The following NCSTN variants were observed in gnomAD, a reference collection of about 807,000 sequenced individuals.
NCSTN encodes nicastrin.
Under a neutral mutation model 87.0 loss-of-function variants are expected in NCSTN, and 22 were observed. That is an observed-to-expected ratio of 0.25 (90% CI 0.18 to 0.36). The LOEUF (loss-of-function observed/expected upper bound fraction) is 0.36, where lower values mean the gene tolerates loss of function less well. Among genes scored for constraint, NCSTN ranks in the 10% least tolerant of loss-of-function variants. The pLI is 1.00. For missense variants in NCSTN, 693 were observed against 883.3 expected (o/e 0.78, Z 2.73); for synonymous variants, 306 against 327.1 (o/e 0.94, Z 0.69).
intron 4 of NCSTN, 88 bp downstream of exon 4, chr1:160,349,758 T>G (rs750344439): frequency 1.9e-6 from 3 of 1,538,528 alleles, no homozygotes; most frequent in Non-Finnish European, 2.7e-6. Context: ...GATGTATATG[T>G]GTTTGTGTCT....
chr1:160,358,585 A>G lies in NCSTN; in HGVS notation c.*314A>G. 2.5e-6 allele frequency: 1 copy of G among 404,178 alleles called. No homozygotes were observed. The highest frequency in any genetic ancestry group is 5.8e-5 in the East Asian group (1 of 17,160). The allele number at this position is 404,178 out of a possible 1,614,324, so 25.0% of individuals were successfully genotyped here. ...TACCCACCCTAATTTGCCCTTCAGG[A>G]CCCTTCTACTTTTTCCTTCCTGCCC... On this transcript the variant is annotated 3_prime_UTR_variant, in exon 17 of 17. Transcript: ENST00000294785.
At chr1:160,344,445 C>T in intron 1 of NCSTN, 3 of 1,482,588 alleles carry the variant, frequency 2.0e-6, no homozygotes, top group Non-Finnish European at 2.7e-6. Flanking sequence ...GGTCAAACAC[C>T]TTTCCTTTGA....
chr1:160,350,383 C>G, intron 5 of NCSTN, 133 bp downstream of exon 5: 1 of 977,332 alleles, frequency 1.0e-6, no homozygotes. Context: ...GGCCGGGAGG[C>G]AGAGGTTTCA....
At chr1:160,345,162 G>C in intron 2 of NCSTN, 1 of 383,972 alleles carries the variant, frequency 2.6e-6, no homozygotes, top group South Asian at 2.3e-5. Flanking sequence ...AAGTGATGAT[G>C]CCAGGATCTG....
chr1:160,347,130 C>T lies in NCSTN; in HGVS notation c.191-1869C>T, dbSNP rs376914619. Among the ~76,000 whole-genome samples the T allele has an allele frequency of 2.0e-4, 30 of 152,350 alleles. No homozygotes were observed. In the South Asian group the frequency reaches 6.2e-3, roughly 32 times the overall value. On this transcript the variant is annotated intron_variant, in intron 2 of 16. Transcript: ENST00000294785. Reference sequence around the variant, plus strand: ...AGCAAAGCCTCTAGAGGTAAAGCCACGTGCCAGTACAGAGAAACAAGAGGG... The same window carrying T: ...AGCAAAGCCTCTAGAGGTAAAGCCATGTGCCAGTACAGAGAAACAAGAGGG...
intron 16 of NCSTN, 146 bp from the exon 17 acceptor site, chr1:160,358,003 A>C: frequency 1.3e-5 from 13 of 991,048 alleles, no homozygotes; most frequent in Non-Finnish European, 1.9e-5. Flanking sequence ...TGTAGGCTGG[A>C]GAGATGTTGC....
At position 160,343,682 on chromosome 1, in the gene NCSTN, G is replaced by A. The variant is rs1330813763; in HGVS notation, c.85+201G>A. The A allele has an allele frequency of 4.2e-6, 3 of 717,478 alleles. No individual in the cohort carries two copies. The South Asian group carries it at 4.5e-5, about 11-fold the overall frequency. The allele number at this position is 717,478 out of a possible 1,614,324, so 44.4% of individuals were successfully genotyped here. A position where few individuals can be genotyped will look rare whatever the true frequency, so the allele number is the denominator to read the frequency against. On this transcript the variant is annotated intron_variant, in intron 1 of 16. Transcript: ENST00000294785. ...TCCCTTCTCCCCCGCAGCACGTCGT[G>A]TCGCTTCACTCCCTTCTCTAGGCCT...
chr1:160,348,518 G>T (rs747447550), intron 2 of NCSTN, among the ~76,000 whole-genome samples: 9 of 152,108 alleles, frequency 5.9e-5, no homozygotes, highest in African/African-American at 2.2e-4. Flanking sequence ...ATCTAAAACC[G>T]GCCAGAAGCA....
Position 160,351,691 on chromosome 1 carries a change from C to A in NCSTN, c.734-5C>A. The A allele has an allele frequency of 6.3e-7, 1 of 1,584,480 alleles. No individual in the cohort carries two copies. Among genetic ancestry groups the A allele is most frequent in the Non-Finnish European group, 8.7e-7 (1 of 1,152,980 alleles). On this transcript the variant is annotated splice_polypyrimidine_tract_variant and splice_region_variant and intron_variant, in intron 6 of 16. Coordinates refer to ENST00000294785, the MANE Select transcript of NCSTN (RefSeq NM_015331.3). Reference sequence around the variant, plus strand: ...TTGATCTCTCATTGTTTGTGTCCTGCTTAGAAATCGTCTGTGACCCCCTGT... The same window carrying A: ...TTGATCTCTCATTGTTTGTGTCCTGATTAGAAATCGTCTGTGACCCCCTGT...
chr1:160,348,440 C>G (rs745594446), intron 2 of NCSTN, among the ~76,000 whole-genome samples: 3 of 152,240 alleles, frequency 2.0e-5, no homozygotes, highest in Non-Finnish European at 4.4e-5. Context: ...GAGCACATCT[C>G]TGATCCATTC....
intron 16 of NCSTN, 144 bp downstream of exon 16, chr1:160,357,397 T>C (rs1395884699): frequency 2.2e-6 from 2 of 900,816 alleles, no homozygotes; most frequent in African/African-American, 3.3e-5. Context: ...TCAGCCAGCA[T>C]GTTCCCTTAG....
In NCSTN at chr1:160,356,625, C is replaced by T. The variant is rs201482107; in HGVS notation, c.1665C>T (p.Ile555=). 2.4e-5 allele frequency: 38 copies of T among 1,614,096 alleles called. No individual in the cohort carries two copies. Among genetic ancestry groups the T allele is most frequent in the East Asian group, 2.2e-5 (1 of 44,898 alleles). Residue 555 remains isoleucine, a synonymous_variant, in exon 15 of 17, where the codon ATC becomes ATT. Transcript: ENST00000294785. ...GTGACGGGCCTCTTCAACATTACATCGCTGTCTCCAGCCCCACCAACACCA... is the reference window on the plus strand; with the variant it reads ...GTGACGGGCCTCTTCAACATTACATTGCTGTCTCCAGCCCCACCAACACCA... The part of the protein sequence containing the change: ...YLGDGPLQHY[I]AVSSPTNTTY...
chr1:160,353,135 T>G (rs780096348), intron 9 of NCSTN, 25 bp from the exon 10 acceptor site: 2 of 1,610,454 alleles, frequency 1.2e-6, no homozygotes, highest in African/African-American at 2.7e-5. Flanking sequence ...TGATTCTAAG[T>G]GTTGTTTCTT....
chr1:160,343,584 T>G, intron 1 of NCSTN, 103 bp downstream of exon 1: 1 of 1,060,252 alleles, frequency 9.4e-7, no homozygotes, highest in Admixed American at 2.0e-5. Context: ...TGCCCCTCTG[T>G]CCCCCCACCC....
intron 1 of NCSTN, chr1:160,343,954 G>GTTTTTTTTTTTTTTTT (rs35301624): frequency 6.7e-6 from 1 of 149,746 alleles, no homozygotes; most frequent in African/African-American, 3.5e-5. Flanking sequence ...CTTGCCTCAG[G>GTTTTTTTTTTTTTTTT]TTTTTTTTTT....
intron 8 of NCSTN, among the ~76,000 whole-genome samples, chr1:160,352,561 T>C (rs1648913518): frequency 6.6e-6 from 1 of 152,236 alleles, no homozygotes; most frequent in African/African-American, 2.4e-5. Context: ...CACAGCAGAA[T>C]AAGGGAACAG....
Position 160,344,833 on chromosome 1 carries a change from TGAGATG to T in NCSTN, c.190+10_190+15del. The T allele has an allele frequency of 6.2e-7, 1 of 1,603,442 alleles. No homozygotes were observed. The highest frequency in any genetic ancestry group is 8.5e-7 in the Non-Finnish European group (1 of 1,170,396). ...CATCAGATTGGCTGCCAGTGTGAGT[TGAGATG>T]GATTCATGTTTGTGGACATTGATAT... On this transcript the variant is annotated splice_region_variant and intron_variant, in intron 2 of 16. Transcript: ENST00000294785.
chr1:160,358,060 C>T, intron 16 of NCSTN, 89 bp from the exon 17 acceptor site: 1 of 1,571,504 alleles, frequency 6.4e-7, no homozygotes, highest in Non-Finnish European at 8.8e-7. Flanking sequence ...TCCGAATTCC[C>T]ATGGCTCCAA....
chr1:160,357,006 C>A, intron 15 of NCSTN, 35 bp from the exon 16 acceptor site: 2 of 1,569,982 alleles, frequency 1.3e-6, no homozygotes, highest in African/African-American at 2.7e-5. Context: ...AAGAGGATCA[C>A]CCTAGCCGTG....
Sources: gnomAD v4.1 joint callset for allele counts (sites outside exome capture counted in the v4.1 genomes callset) on GRCh38, gnomAD v4.1.1 for gene constraint, MANE v1.5 for transcripts, NCBI Gene and HGNC (gene_info 2026-07-23, HGNC 2026-07-21) for gene names.